Variants in ADAMTSL3 observed in about 807,000 individuals in gnomAD.
ADAMTSL3 encodes the protein ADAMTS-like protein 3.
Under a neutral mutation model 201.7 loss-of-function variants are expected in ADAMTSL3, and 128 were observed. The observed-to-expected ratio is 0.63, with a 90% CI of 0.55 to 0.73. The LOEUF (loss-of-function observed/expected upper bound fraction) is 0.73, where lower values mean the gene tolerates loss of function less well. Among genes scored for constraint, ADAMTSL3 ranks in the 30% least tolerant of loss-of-function variants. ADAMTSL3 has a pLI of 0.00. For synonymous variants in ADAMTSL3, 738 were observed against 748.4 expected (o/e 0.99, Z 0.23); for missense variants, 1,990 against 2,119.6 (o/e 0.94, Z 1.20).
chr15:83,685,945 G>A (rs993793962), intron 2 of ADAMTSL3, among the ~76,000 whole-genome samples: 3 of 152,122 alleles, frequency 2.0e-5, no homozygotes, highest in Non-Finnish European at 4.4e-5. Flanking sequence ...GACTTCCCCC[G>A]GTACGTAGAG....
chr15:83,845,498 C>T (rs1469541546), intron 7 of ADAMTSL3, among the ~76,000 whole-genome samples: 3 of 152,226 alleles, frequency 2.0e-5, no homozygotes, highest in African/African-American at 7.2e-5. Flanking sequence ...AGTTTGGCCT[C>T]TGACAATCTA....
At chr15:83,685,740 A>C (rs954475461) in intron 2 of ADAMTSL3, among the ~76,000 whole-genome samples, 5 of 152,148 alleles carry the variant, frequency 3.3e-5, no homozygotes. Context: ...CCTCTTTCTC[A>C]AACGGAGATG....
chr15:83,906,030 A>G (rs551209554), intron 15 of ADAMTSL3, among the ~76,000 whole-genome samples: 1 of 152,222 alleles, frequency 6.6e-6, no homozygotes, highest in East Asian at 1.9e-4. Context: ...TAATTAACCA[A>G]CTGCCCCTAG....
chr15:83,912,733 A>T (rs1214585335), intron 15 of ADAMTSL3, among the ~76,000 whole-genome samples: 1 of 152,174 alleles, frequency 6.6e-6, no homozygotes, highest in Non-Finnish European at 1.5e-5. Context: ...ATTGGTGAAA[A>T]TCTCCATATT....
chr15:83,881,064 AATT>A (rs2065260933), intron 9 of ADAMTSL3, among the ~76,000 whole-genome samples: 1 of 152,156 alleles, frequency 6.6e-6, no homozygotes, highest in Non-Finnish European at 1.5e-5. Flanking sequence ...CCCCTTTAAA[AATT>A]ATTATCGGAT....
At chr15:83,885,258 A>G (rs759999669) in intron 10 of ADAMTSL3, 46 bp downstream of exon 10, 3 of 1,442,488 alleles carry the variant, frequency 2.1e-6, no homozygotes, top group Admixed American at 1.8e-5. Context: ...TCAGAGTTAG[A>G]TAAATTAGAC....
At chr15:83,927,779 T>G (rs2066276621) in intron 17 of ADAMTSL3, among the ~76,000 whole-genome samples, 2 of 152,188 alleles carry the variant, frequency 1.3e-5, no homozygotes, top group South Asian at 4.1e-4. Flanking sequence ...CTGCCTTTTC[T>G]GGATGGCCAA....
rs1254057669 is a variant in ADAMTSL3, at chr15:83,823,963, TCTTCTTCTTCTCCTC to T, written c.600+3919_600+3933del. Reference sequence around the variant, plus strand: ...TTCTTCTTCTTCTTCTTCTTCTTCTTCTTCTTCTTCTCCTCCTCCTCCTCCTCCTTCTCCTTCTTC... The same window carrying T: ...TTCTTCTTCTTCTTCTTCTTCTTCTTCTCCTCCTCCTCCTTCTCCTTCTTC... On this transcript the variant is annotated intron_variant, in intron 6 of 29. Transcript: ENST00000286744. Among the ~76,000 whole-genome samples, 21 of 62,830 alleles carry T rather than the reference TCTTCTTCTTCTCCTC, an allele frequency of 3.3e-4. 1 individual carries two copies. The East Asian group carries it at 6.1e-3, about 18-fold the overall frequency. 41.2% of individuals were successfully genotyped at this position (62,830 alleles called of 152,430 possible). A position where few individuals can be genotyped will look rare whatever the true frequency, so the allele number is the denominator to read the frequency against.
intron 2 of ADAMTSL3, among the ~76,000 whole-genome samples, chr15:83,664,491 C>G (rs1724293924): frequency 6.6e-6 from 1 of 152,216 alleles, no homozygotes; most frequent in Admixed American, 6.5e-5. Context: ...CATCACCCAG[C>G]CATTTGAGCC....
intron 19 of ADAMTSL3, among the ~76,000 whole-genome samples, chr15:83,964,763 C>G (rs910384132): frequency 6.6e-6 from 1 of 152,162 alleles, no homozygotes; most frequent in Non-Finnish European, 1.5e-5. Context: ...ATGTTAAGGG[C>G]AGCCAGAGAG....
chr15:83,654,820 C>T lies in ADAMTSL3; in HGVS notation c.-34+544C>T, dbSNP rs925705370. ...AGGGTGGCGCAGAGTCCCAGGGCCC[C>T]GCACTGGCCGCCTCCCTTCAGCCAG... is the stretch of plus-strand genomic sequence containing the variant. On this transcript the variant is annotated intron_variant, in intron 1 of 29. Coordinates refer to ENST00000286744, the MANE Select transcript of ADAMTSL3 (RefSeq NM_207517.3). The surrounding 1 kb of genome is among the most constrained non-coding windows in gnomAD (Gnocchi z 5.3). Among the ~76,000 whole-genome samples, 4 of 152,126 alleles carry T rather than the reference C, an allele frequency of 2.6e-5. No individual in the cohort carries two copies. Among genetic ancestry groups the T allele is most frequent in the African/African-American group, 9.7e-5 (4 of 41,428 alleles).
intron 27 of ADAMTSL3, among the ~76,000 whole-genome samples, chr15:84,028,997 C>G (rs534927906): frequency 6.6e-6 from 1 of 152,188 alleles, no homozygotes; most frequent in Non-Finnish European, 1.5e-5. Flanking sequence ...TTCCTGAGGC[C>G]TCCTCAGCCA....
At chr15:83,821,077 GAAA>G (rs769533674) in intron 6 of ADAMTSL3, among the ~76,000 whole-genome samples, 2 of 144,814 alleles carry the variant, frequency 1.4e-5, no homozygotes, top group African/African-American at 2.5e-5. Context: ...GTCTCAAAAA[GAAA>G]AAAAAAAATT....
intron 25 of ADAMTSL3, among the ~76,000 whole-genome samples, chr15:84,017,093 A>T (rs2068099632): frequency 1.3e-5 from 2 of 151,856 alleles, no homozygotes. Flanking sequence ...TTTTTTAATT[A>T]TTTTGTTATT....
At chr15:83,819,308 G>A (rs1186942616) in intron 5 of ADAMTSL3, among the ~76,000 whole-genome samples, 1 of 151,156 alleles carries the variant, frequency 6.6e-6, no homozygotes, top group Admixed American at 6.6e-5. Context: ...AACCACAAGT[G>A]CTCACAGAGC....
intron 3 of ADAMTSL3, among the ~76,000 whole-genome samples, chr15:83,712,103 T>C (rs1289606713): frequency 6.6e-6 from 1 of 152,186 alleles, no homozygotes; most frequent in East Asian, 1.9e-4. Context: ...CTCACAGCCT[T>C]CAAGTGCTTT....
At chr15:83,751,036 C>T (rs1031724109) in intron 3 of ADAMTSL3, among the ~76,000 whole-genome samples, 1 of 152,162 alleles carries the variant, frequency 6.6e-6, no homozygotes, top group African/African-American at 2.4e-5. Context: ...CAGAGACACA[C>T]TGGTAGGTAA....
intron 3 of ADAMTSL3, among the ~76,000 whole-genome samples, chr15:83,728,684 A>G (rs1229969188): frequency 1.3e-5 from 2 of 151,890 alleles, no homozygotes; most frequent in Non-Finnish European, 2.9e-5. Flanking sequence ...TTTTGTTTCT[A>G]TTTACATCTT....
At chr15:84,031,469 C>T in intron 28 of ADAMTSL3, 37 bp downstream of exon 28, 1 of 1,566,382 alleles carries the variant, frequency 6.4e-7, no homozygotes, top group South Asian at 1.1e-5. Context: ...ACATTCTCTC[C>T]TGACTCACTC....
Sources: gnomAD v4.1 joint callset for allele counts (sites outside exome capture counted in the v4.1 genomes callset) on GRCh38, gnomAD v4.1.1 for gene constraint, Gnocchi (gnomAD v3.1) non-coding constraint, MANE v1.5 for transcripts, NCBI Gene and HGNC (gene_info 2026-07-23, HGNC 2026-07-21) for gene names.